The following HCLS1 variants were observed in gnomAD, a reference collection of about 807,000 sequenced individuals.
The protein encoded by HCLS1 is hematopoietic lineage cell-specific protein.
Under a neutral mutation model 68.6 loss-of-function variants are expected in HCLS1, and 44 were observed. The observed-to-expected ratio is 0.64, with a 90% CI of 0.50 to 0.82. HCLS1 has a LOEUF of 0.82. HCLS1 is among the 40% of genes least tolerant of loss of function. The probability of loss-of-function intolerance (pLI) is 0.00; values close to 1 mark genes in which losing one functional copy is unlikely to be tolerated. For missense variants in HCLS1, 602 were observed against 612.1 expected (o/e 0.98, Z 0.17); for synonymous variants, 217 against 225.8 (o/e 0.96, Z 0.35).
At chr3:121,637,383 A>G (rs2049160285) in intron 6 of HCLS1, 127 bp from the exon 7 acceptor site, 19 of 645,002 alleles carry the variant, frequency 2.9e-5, no homozygotes, top group Non-Finnish European at 5.4e-5. Context: ...CAGGGCTTGA[A>G]TACAGGGGAA....
Position 121,657,313 on chromosome 3 carries a change from T to C in HCLS1, c.124A>G (p.Thr42Ala). 1 of 1,614,080 alleles carries C rather than the reference T, an allele frequency of 6.2e-7. No homozygotes were observed. The highest frequency in any genetic ancestry group is 2.2e-5 in the East Asian group (1 of 44,878). ...SEKEQRWGAK[T>A]IEGSGRTEHI... ...TCTGTGCGTCCAGACCCCTCGATGG[T>C]CTTGGCTCCCCATCGTTGCTCCTTT... Residue 42 changes from threonine to alanine, a missense_variant, in exon 3 of 14, where the codon ACC becomes GCC. Coordinates refer to ENST00000314583, the MANE Select transcript of HCLS1 (RefSeq NM_005335.6).
At position 121,637,262 on chromosome 3, in the gene HCLS1, G is replaced by T; in HGVS notation, c.455-6C>A. On this transcript the variant is annotated splice_region_variant and splice_polypyrimidine_tract_variant and intron_variant, in intron 6 of 13. Coordinates refer to ENST00000314583, the MANE Select transcript of HCLS1 (RefSeq NM_005335.6). Reference sequence around the variant, plus strand: ...ACCAAAGCCACGAGAGTAATCTGTGGTCGAAGGAGCAGTCATGAGAGCCCA... The same window carrying T: ...ACCAAAGCCACGAGAGTAATCTGTGTTCGAAGGAGCAGTCATGAGAGCCCA... 6.2e-7 allele frequency: 1 copy of T among 1,605,958 alleles called. No individual in the cohort carries two copies. Among genetic ancestry groups the T allele is most frequent in the South Asian group, 1.1e-5 (1 of 90,940 alleles).
chr3:121,640,782 AAGGGGAGGGGAGGGGAGGGG>A (rs1185039803), intron 6 of HCLS1, among the ~76,000 whole-genome samples: 155 of 53,418 alleles, frequency 2.9e-3, no homozygotes, highest in Middle Eastern at 0.012. Context: ...AAGGCAAGGG[AAGGGGAGGGGAGGGGAGGGG>A]AGGGGAGGGG....
At position 121,632,142 on chromosome 3, in the gene HCLS1, GCCACAGCC is replaced by G. The variant is rs2049103725; in HGVS notation, c.1275_1282del (p.Ala426SerfsTer10). 3 of 1,613,534 alleles carry G rather than the reference GCCACAGCC, an allele frequency of 1.9e-6. No homozygotes were observed. In the Admixed American group the frequency reaches 5.0e-5, roughly 27 times the overall value. On this transcript the variant is annotated frameshift_variant, in exon 13 of 14. Coordinates refer to ENST00000314583, the MANE Select transcript of HCLS1 (RefSeq NM_005335.6). LOFTEE classifies it high-confidence loss of function. ...TACAGCCACAGCTGAGATCCCCAGA[GCCACAGCC>G]CCAGCCCCAGCCCCAGCCGGGCAGC...
At chr3:121,638,467 C>T (rs567397939) in intron 6 of HCLS1, among the ~76,000 whole-genome samples, 2 of 152,272 alleles carry the variant, frequency 1.3e-5, no homozygotes, top group East Asian at 1.9e-4. Flanking sequence ...AGAAACGAAG[C>T]TCTGTCCACT....
chr3:121,657,436 A>G (rs1937897164), intron 2 of HCLS1, 84 bp from the exon 3 acceptor site: 2 of 1,197,632 alleles, frequency 1.7e-6, no homozygotes, highest in Non-Finnish European at 2.5e-6. Flanking sequence ...CATGCCCTCC[A>G]TGTCCCCTGT....
intron 3 of HCLS1, among the ~76,000 whole-genome samples, chr3:121,652,763 G>C (rs1937777188): frequency 1.3e-5 from 2 of 152,196 alleles, no homozygotes; most frequent in South Asian, 4.1e-4. Context: ...AGTGATTGTA[G>C]TATTATTAAG....
chr3:121,643,011 G>C, intron 5 of HCLS1, 30 bp from the exon 6 acceptor site: 1 of 1,594,648 alleles, frequency 6.3e-7, no homozygotes, highest in Non-Finnish European at 8.6e-7. Context: ...GAATTGGTTA[G>C]AGTCAGAGCT....
rs191622358 is a variant in HCLS1 at position 121,645,069 on chromosome 3, T to A, written c.289-141A>T. The A allele has an allele frequency of 5.9e-4, 386 of 653,616 alleles. 3 individuals carry two copies. In the East Asian group the frequency reaches 8.6e-3, roughly 15 times the overall value. The allele number at this position is 653,616 out of a possible 1,614,324, so 40.5% of individuals were successfully genotyped here. A position where few individuals can be genotyped will look rare whatever the true frequency, so the allele number is the denominator to read the frequency against. On this transcript the variant is annotated intron_variant, in intron 4 of 13. Transcript: ENST00000314583. ...AGCCTCTGACAGTGGTGCCAAGGAA[T>A]ACGCGATGGGAGAGCAAGATGACTT...
chr3:121,651,584 C>A (rs1937749669), intron 3 of HCLS1, among the ~76,000 whole-genome samples: 1 of 152,014 alleles, frequency 6.6e-6, no homozygotes, highest in African/African-American at 2.4e-5. Flanking sequence ...CCACAGCCAG[C>A]CAATTTTTAA....
chr3:121,641,525 T>C (rs1164087045), intron 6 of HCLS1, among the ~76,000 whole-genome samples: 5 of 152,234 alleles, frequency 3.3e-5, no homozygotes, highest in African/African-American at 1.2e-4. Flanking sequence ...GTAATAATAA[T>C]GATTCATTTT....
Position 121,633,180 on chromosome 3 carries a change from A to G in HCLS1, c.904-9T>C. ...CCAACTGGAGGCCAGGCCTGTGGAA[A>G]ATGAAGCATCTCTCAAGTAAGCAAG... On this transcript the variant is annotated splice_polypyrimidine_tract_variant and intron_variant, in intron 10 of 13. Coordinates refer to ENST00000314583, the MANE Select transcript of HCLS1 (RefSeq NM_005335.6). The G allele has an allele frequency of 6.4e-7, 1 of 1,566,058 alleles. No individual in the cohort carries two copies. The highest frequency in any genetic ancestry group is 8.7e-7 in the Non-Finnish European group (1 of 1,149,362).
chr3:121,632,795 A>G (rs567279980), intron 11 of HCLS1, among the ~76,000 whole-genome samples: 1 of 152,284 alleles, frequency 6.6e-6, no homozygotes, highest in South Asian at 2.1e-4. Flanking sequence ...AGAATGTAAA[A>G]GGTGTGAGGG....
At chr3:121,641,872 A>G (rs552320336) in intron 6 of HCLS1, among the ~76,000 whole-genome samples, 82 of 151,060 alleles carry the variant, frequency 5.4e-4, no homozygotes, top group Non-Finnish European at 9.6e-4. Context: ...ACGAGGTCAG[A>G]AGATCGAGAC....
intron 1 of HCLS1, 41 bp from the exon 2 acceptor site, chr3:121,658,388 G>C: frequency 1.4e-6 from 2 of 1,441,640 alleles, no homozygotes; most frequent in Non-Finnish European, 2.0e-6. Flanking sequence ...GGACAAAAAA[G>C]GATCAAGAGG....
chr3:121,639,753 T>G (rs1171624963), intron 6 of HCLS1, among the ~76,000 whole-genome samples: 1 of 152,172 alleles, frequency 6.6e-6, no homozygotes, highest in Non-Finnish European at 1.5e-5. Flanking sequence ...TAGCAAATGT[T>G]TGTAGCAAAT....
At chr3:121,647,285 T>G (rs1412826271) in intron 4 of HCLS1, 34 bp downstream of exon 4, 1 of 1,611,050 alleles carries the variant, frequency 6.2e-7, no homozygotes, top group Non-Finnish European at 8.5e-7. Context: ...CCGGCTTGTA[T>G]TTTTTTAAAG....
At chr3:121,658,666 C>T (rs1449154765) in intron 1 of HCLS1, among the ~76,000 whole-genome samples, 3 of 152,160 alleles carry the variant, frequency 2.0e-5, no homozygotes, top group East Asian at 1.9e-4. Context: ...ACTTGTGTCC[C>T]GAGGCCAGCC....
At position 121,635,764 on chromosome 3, in the gene HCLS1, G is replaced by C; in HGVS notation, c.662C>G (p.Ala221Gly). ...TTCTATGGGCGTCGTCTTCTTATAAGCTGTGGTCGGGGCCTCCATTTCATT... is the reference window on the plus strand; with the variant it reads ...TTCTATGGGCGTCGTCTTCTTATAACCTGTGGTCGGGGCCTCCATTTCATT... ...GFNEMEAPTT[A>G]YKKTTPIEAA... Residue 221 changes from alanine to glycine, a missense_variant, in exon 9 of 14, where the codon GCT (alanine) becomes GGT (glycine). Physicochemically the swap from Ala to Gly is moderately conservative, Grantham distance 60. Coordinates refer to ENST00000314583, the MANE Select transcript of HCLS1 (RefSeq NM_005335.6). The C allele has an allele frequency of 6.2e-7, 1 of 1,614,102 alleles. No homozygotes were observed. Among genetic ancestry groups the C allele is most frequent in the Non-Finnish European group, 8.5e-7 (1 of 1,179,962 alleles).
Sources: gnomAD v4.1 joint callset for allele counts (sites outside exome capture counted in the v4.1 genomes callset) on GRCh38, gnomAD v4.1.1 for gene constraint, MANE v1.5 for transcripts, NCBI Gene and HGNC (gene_info 2026-07-23, HGNC 2026-07-21) for gene names.